SARDH: variants seen among roughly 807,000 people sequenced by gnomAD.
The protein encoded by SARDH is sarcosine dehydrogenase, mitochondrial.
SARDH carries 95 observed loss-of-function variants against 109.1 expected under a neutral mutation model. The observed-to-expected ratio is 0.87, with a 90% CI of 0.74 to 1.03. The LOEUF is 1.03. Among genes scored for constraint, SARDH ranks in the 50% least tolerant of loss-of-function variants. SARDH has a pLI of 0.00. For missense variants in SARDH, 1,267 were observed against 1,287.8 expected, an observed-to-expected ratio of 0.98 and a Z score of 0.25; for synonymous variants, 572 against 534.8, an observed-to-expected ratio of 1.07 and a Z score of -0.96.
chr9:133,711,627 A>C (rs1045364728), intron 10 of SARDH, among the ~76,000 whole-genome samples: 1 of 152,094 alleles, frequency 6.6e-6, no homozygotes, highest in Non-Finnish European at 1.5e-5. Context: ...CAGTGGGCGT[A>C]ATGTCCTCAT....
At chr9:133,677,764 C>T (rs901798136) in intron 17 of SARDH, among the ~76,000 whole-genome samples, 1 of 152,196 alleles carries the variant, frequency 6.6e-6, no homozygotes, top group Non-Finnish European at 1.5e-5. Context: ...AGTGGCCAGG[C>T]GCTGTTCCCA....
At position 133,712,863 on chromosome 9, in the gene SARDH, G is replaced by A. The variant is rs1831977816; in HGVS notation, c.1238-154C>T. On this transcript the variant is annotated intron_variant, in intron 9 of 20. Transcript: ENST00000439388. This position sits in a 1 kb window ranked among gnomAD's most constrained non-coding sequence, Gnocchi z 4.1. ...ACGCCTCCTGATTGGACTGCTGCTG[G>A]ACTGGACCCTGGCACAGGTGCACTC... The A allele has an allele frequency of 2.2e-6, 2 of 923,402 alleles. No homozygotes were observed. The highest frequency in any genetic ancestry group is 1.6e-5 in the African/African-American group (1 of 61,222). 57.2% of individuals were successfully genotyped at this position (923,402 alleles called of 1,614,324 possible).
chr9:133,706,985 C>T (rs1010894655), intron 11 of SARDH, among the ~76,000 whole-genome samples: 2 of 152,212 alleles, frequency 1.3e-5, no homozygotes, highest in Admixed American at 6.5e-5. Context: ...CAAAATCCAC[C>T]CACCTCTCAG....
intron 1 of SARDH, among the ~76,000 whole-genome samples, chr9:133,735,343 T>C (rs1832847774): frequency 6.6e-6 from 1 of 152,132 alleles, no homozygotes; most frequent in Non-Finnish European, 1.5e-5. Flanking sequence ...CCTCTGCTCC[T>C]TCCCAGCTGA....
At chr9:133,697,720 T>C (rs143426186) in intron 13 of SARDH, among the ~76,000 whole-genome samples, 114 of 152,272 alleles carry the variant, frequency 7.5e-4, no homozygotes, top group African/African-American at 2.6e-3. Flanking sequence ...AATTCACCCG[T>C]TCATGATAAA....
At chr9:133,700,237 G>A (rs1372504242) in intron 13 of SARDH, among the ~76,000 whole-genome samples, 1 of 152,034 alleles carries the variant, frequency 6.6e-6, no homozygotes. Context: ...TGAGGCAGAA[G>A]AATCGCTTGA....
rs1564259308 is a variant in SARDH, at chr9:133,693,862, G to A, written c.1921+396C>T. Reference sequence around the variant, plus strand: ...GGCCTATCCAAGCTCCAGACTAGAGGGTCACACGGGCCTGAGAAGTCAACC... The same window carrying A: ...GGCCTATCCAAGCTCCAGACTAGAGAGTCACACGGGCCTGAGAAGTCAACC... On this transcript the variant is annotated intron_variant, in intron 15 of 20. Transcript: ENST00000439388. This position sits in a 1 kb window ranked among gnomAD's most constrained non-coding sequence, Gnocchi z 5.6. Among the ~76,000 whole-genome samples the A allele has an allele frequency of 6.6e-6, 1 of 152,194 alleles. No individual in the cohort carries two copies. The highest frequency in any genetic ancestry group is 1.5e-5 in the Non-Finnish European group (1 of 68,028).
chr9:133,707,193 G>C (rs1019381079), intron 11 of SARDH, among the ~76,000 whole-genome samples: 1 of 152,218 alleles, frequency 6.6e-6, no homozygotes, highest in African/African-American at 2.4e-5. Flanking sequence ...TTCCCTGGGG[G>C]GCAGGGGCGT....
chr9:133,725,775 C>T (rs975519290), intron 6 of SARDH: 2 of 223,696 alleles, frequency 8.9e-6, no homozygotes, highest in African/African-American at 4.6e-5. Flanking sequence ...CAAGCCAAAC[C>T]AAACAAGACC....
chr9:133,734,281 G>T, intron 1 of SARDH, 78 bp from the exon 2 acceptor site: 1 of 997,540 alleles, frequency 1.0e-6, no homozygotes, highest in South Asian at 2.0e-5. Flanking sequence ...GGAAATAAGG[G>T]CCCTATGGTG....
intron 17 of SARDH, among the ~76,000 whole-genome samples, chr9:133,683,341 C>T (rs1165601968): frequency 1.3e-5 from 2 of 152,206 alleles, no homozygotes; most frequent in Non-Finnish European, 1.5e-5. Context: ...CCCACCTGGT[C>T]GTCTCCCCGT....
At chr9:133,727,030 C>T (rs1454195525) in intron 6 of SARDH, among the ~76,000 whole-genome samples, 2 of 152,212 alleles carry the variant, frequency 1.3e-5, no homozygotes, top group African/African-American at 2.4e-5. Context: ...TGTTTAAACC[C>T]AGCACCCAGG....
At chr9:133,675,235 C>T (rs1207473343) in intron 17 of SARDH, among the ~76,000 whole-genome samples, 1 of 151,974 alleles carries the variant, frequency 6.6e-6, no homozygotes, top group African/African-American at 2.4e-5. Context: ...CCTGTAGTCC[C>T]AGCTACTCAG....
intron 10 of SARDH, among the ~76,000 whole-genome samples, 189 bp from the exon 11 acceptor site, chr9:133,708,617 C>T (rs1831795154): frequency 6.6e-6 from 1 of 152,158 alleles, no homozygotes; most frequent in Non-Finnish European, 1.5e-5. Context: ...CCCCCAGAGC[C>T]ACCCCACCCC....
intron 18 of SARDH, 80 bp downstream of exon 18, chr9:133,671,455 C>A: frequency 6.9e-7 from 1 of 1,447,404 alleles, no homozygotes; most frequent in South Asian, 1.4e-5. Context: ...TAAACAGCTT[C>A]TCGGCCTCCA....
chr9:133,735,858 A>G (rs931076405), intron 1 of SARDH, among the ~76,000 whole-genome samples: 1 of 148,096 alleles, frequency 6.8e-6, no homozygotes, highest in Non-Finnish European at 1.5e-5. Flanking sequence ...AGCCTGACCA[A>G]CATGGAGAAA....
rs181597453 is a variant in SARDH, at chr9:133,691,250, C to A, written c.1922-723G>T. On this transcript the variant is annotated intron_variant, in intron 15 of 20. Transcript: ENST00000439388. ...CAGGCCCCTGGCTCCTGAGTGGCCCCCCCAGTCTGCAGCCATCCCAGGCCT... is the reference window on the plus strand; with the variant it reads ...CAGGCCCCTGGCTCCTGAGTGGCCCACCCAGTCTGCAGCCATCCCAGGCCT... 2.7e-4 allele frequency among the ~76,000 whole-genome samples: 41 copies of A among 152,182 alleles called. No individual in the cohort carries two copies. In the East Asian group the frequency reaches 7.0e-3, roughly 26 times the overall value.
At chr9:133,661,725 C>A (rs1832418103), downstream of SARDH, among the ~76,000 whole-genome samples, 1 of 152,128 alleles carries the variant, frequency 6.6e-6, no homozygotes, top group Non-Finnish European at 1.5e-5. Context: ...AGGTGATCCG[C>A]CCCCCTCGGC....
chr9:133,696,735 A>G (rs1211500686), intron 13 of SARDH, among the ~76,000 whole-genome samples: 1 of 152,212 alleles, frequency 6.6e-6, no homozygotes, highest in African/African-American at 2.4e-5. Flanking sequence ...GAACCAATGG[A>G]TCAAAGAAAA....
Sources: allele counts gnomAD v4.1 joint callset (sites outside exome capture counted in the v4.1 genomes callset), GRCh38; gene constraint gnomAD v4.1.1; non-coding constraint Gnocchi (gnomAD v3.1); transcripts MANE v1.5; gene names NCBI Gene and HGNC (gene_info 2026-07-23, HGNC 2026-07-21).